Variants in TOR1AIP1 observed in about 807,000 individuals in gnomAD.
TOR1AIP1 encodes the protein torsin-1A-interacting protein 1.
A neutral mutation model predicts 63.3 loss-of-function variants in TOR1AIP1; 54 were observed. The ratio of observed to expected loss-of-function variants is 0.85; its 90% confidence interval spans 0.69 to 1.07. TOR1AIP1 has a LOEUF of 1.07. Among genes scored for constraint, TOR1AIP1 ranks in the 50% least tolerant of loss-of-function variants. The probability of loss-of-function intolerance (pLI) is 0.00; values close to 1 mark genes in which losing one functional copy is unlikely to be tolerated. For synonymous variants in TOR1AIP1, 294 were observed against 273.5 expected (o/e 1.07, Z -0.74); for missense variants, 736 against 715.0 (o/e 1.03, Z -0.33).
Position 179,919,404 on chromosome 1 carries a change from A to G in TOR1AIP1, c.*1165A>G, listed in dbSNP as rs1458639372. On this transcript the variant is annotated 3_prime_UTR_variant, in exon 10 of 10. Coordinates refer to ENST00000606911, the MANE Select transcript of TOR1AIP1 (RefSeq NM_015602.4). ...GTCCTGGGCTATTGAAGAAGATTTC[A>G]TTTTCCGCGCATCCACTTGTTGCAG... 1 of 152,130 alleles carries G rather than the reference A, an allele frequency of 6.6e-6. No homozygotes were observed. Among genetic ancestry groups the G allele is most frequent in the Non-Finnish European group, 1.5e-5 (1 of 68,022 alleles). The allele number at this position is 152,130 out of a possible 1,614,324, so 9.4% of individuals were successfully genotyped here.
chr1:179,892,792 A>G (rs1315494843), intron 3 of TOR1AIP1, among the ~76,000 whole-genome samples: 1 of 152,038 alleles, frequency 6.6e-6, no homozygotes, highest in Non-Finnish European at 1.5e-5. Flanking sequence ...AAATAACCTA[A>G]CACTCTTTGC....
intron 8 of TOR1AIP1, 57 bp from the exon 9 acceptor site, chr1:179,913,941 A>AG: frequency 1.4e-6 from 2 of 1,472,824 alleles, no homozygotes; most frequent in Non-Finnish European, 1.9e-6. Context: ...ACTAGAAATA[A>AG]ATACTCAAAT....
chr1:179,884,904 A>G (rs1216085115), intron 2 of TOR1AIP1, 135 bp downstream of exon 2: 1 of 582,254 alleles, frequency 1.7e-6, no homozygotes, highest in South Asian at 2.4e-5. Context: ...AGCCACCCAT[A>G]TAACCTTGTA....
intron 9 of TOR1AIP1, among the ~76,000 whole-genome samples, chr1:179,915,487 G>T (rs1648963472): frequency 6.6e-6 from 1 of 152,234 alleles, no homozygotes; most frequent in South Asian, 2.1e-4. Context: ...TGGGGTTCGT[G>T]GCCCATGCCT....
chr1:179,905,899 A>G (rs1394426913), intron 6 of TOR1AIP1, among the ~76,000 whole-genome samples: 1 of 152,014 alleles, frequency 6.6e-6, no homozygotes, highest in African/African-American at 2.4e-5. Flanking sequence ...GCGGCAGTGA[A>G]CTGGGATTGC....
chr1:179,911,934 C>T (rs186248161), intron 8 of TOR1AIP1, among the ~76,000 whole-genome samples: 113 of 151,348 alleles, frequency 7.5e-4, no homozygotes, highest in Admixed American at 4.1e-3. Context: ...TTGATTATCA[C>T]CATACTCTTT....
rs1437693797 is a variant in TOR1AIP1, at chr1:179,884,658, C to G, written c.476-34C>G. ...GCCATGATCTCCCAGGTCATATATT[C>G]TGAATTTTAACTCTTGTTATGTCTG... On this transcript the variant is annotated intron_variant, in intron 1 of 9. Transcript: ENST00000606911. The G allele has an allele frequency of 3.2e-6, 5 of 1,556,394 alleles. No individual in the cohort carries two copies. In the South Asian group the frequency reaches 4.7e-5, roughly 15 times the overall value.
At chr1:179,908,477 T>G (rs766589428) in intron 7 of TOR1AIP1, 128 bp from the exon 8 acceptor site, 1 of 717,628 alleles carries the variant, frequency 1.4e-6, no homozygotes, top group Non-Finnish European at 2.3e-6. Context: ...CTTATAAAAC[T>G]ATTGCTTTTA....
intron 5 of TOR1AIP1, 146 bp from the exon 6 acceptor site, chr1:179,903,820 T>A (rs1341966854): frequency 1.5e-5 from 8 of 531,938 alleles, no homozygotes; most frequent in East Asian, 3.4e-5. Flanking sequence ...AGAAATTTTT[T>A]AAATAAATTA....
chr1:179,888,707 C>G (rs1169975574), intron 2 of TOR1AIP1, among the ~76,000 whole-genome samples: 2 of 152,088 alleles, frequency 1.3e-5, no homozygotes, highest in African/African-American at 4.8e-5. Flanking sequence ...ATGTGAGGTA[C>G]TTGGAGAAAA....
At chr1:179,907,911 CTCTT>C in intron 7 of TOR1AIP1, 47 bp downstream of exon 7, 1 of 636,572 alleles carries the variant, frequency 1.6e-6, no homozygotes, top group Non-Finnish European at 2.3e-6. Context: ...CAATTCTTTT[CTCTT>C]TTTTTTTTTT....
chr1:179,907,187 C>T (rs1015182071), intron 6 of TOR1AIP1, among the ~76,000 whole-genome samples: 4 of 151,214 alleles, frequency 2.6e-5, no homozygotes, highest in Non-Finnish European at 5.9e-5. Flanking sequence ...AATTTGAGAC[C>T]AGCCTGGCCA....
chr1:179,898,740 TA>T (rs1182123576), intron 3 of TOR1AIP1, among the ~76,000 whole-genome samples: 9 of 151,922 alleles, frequency 5.9e-5, no homozygotes, highest in South Asian at 2.1e-4. Flanking sequence ...ATTAAAATCT[TA>T]AAAAAAATTT....
rs1571718503 is a variant in TOR1AIP1, at chr1:179,882,526, A to G, written c.24A>G (p.Ala8=). The G allele has an allele frequency of 6.8e-7, 1 of 1,461,808 alleles. No individual in the cohort carries two copies. Among genetic ancestry groups the G allele is most frequent in the Non-Finnish European group, 9.0e-7 (1 of 1,107,380 alleles). The allele number at this position is 1,461,808 out of a possible 1,614,324, so 90.6% of individuals were successfully genotyped here. ...CTATGGCGGGCGACGGGCGGCGGGC[A>G]GAGGCGGTGCGGGAAGGATGGGGTG... MAGDGRR[A]EAVREGWGVY... Residue 8 remains alanine (A), a synonymous_variant, in exon 1 of 10, where the codon GCA becomes GCG. Coordinates refer to ENST00000606911, the MANE Select transcript of TOR1AIP1 (RefSeq NM_015602.4).
At chr1:179,912,015 TTTTTTTC>T (rs762791971) in intron 8 of TOR1AIP1, among the ~76,000 whole-genome samples, 17 of 83,432 alleles carry the variant, frequency 2.0e-4, no homozygotes, top group Non-Finnish European at 3.5e-4. Context: ...TTTTTTCTTT[TTTTTTTC>T]TTTTTTCTTT....
At chr1:179,892,851 T>C (rs2148473496) in intron 3 of TOR1AIP1, among the ~76,000 whole-genome samples, 1 of 152,370 alleles carries the variant, frequency 6.6e-6, no homozygotes, top group East Asian at 1.9e-4. Context: ...TTTTTTATTG[T>C]CTGAAATTAT....
At chr1:179,909,144 G>T (rs1470468619) in intron 8 of TOR1AIP1, among the ~76,000 whole-genome samples, 1 of 151,892 alleles carries the variant, frequency 6.6e-6, no homozygotes, top group Non-Finnish European at 1.5e-5. Context: ...CTGGGCGACA[G>T]AGCGAGACTC....
chr1:179,908,313 C>T (rs1300168729), intron 7 of TOR1AIP1, among the ~76,000 whole-genome samples: 1 of 152,134 alleles, frequency 6.6e-6, no homozygotes, highest in Non-Finnish European at 1.5e-5. Flanking sequence ...CGGATTGGTA[C>T]TACCTATAAT....
intron 1 of TOR1AIP1, chr1:179,883,892 A>C: frequency 3.4e-6 from 1 of 295,944 alleles, no homozygotes; most frequent in South Asian, 2.8e-5. Flanking sequence ...CATGTAAGGC[A>C]CCTGTGAGGT....
Sources: allele counts gnomAD v4.1 joint callset (sites outside exome capture counted in the v4.1 genomes callset), GRCh38; gene constraint gnomAD v4.1.1; transcripts MANE v1.5; gene names NCBI Gene and HGNC (gene_info 2026-07-23, HGNC 2026-07-21).